The following SEMA3A variants were observed in gnomAD, a reference collection of about 807,000 sequenced individuals.
The protein encoded by SEMA3A is semaphorin 3A.
A neutral mutation model predicts 97.9 loss-of-function variants in SEMA3A; 29 were observed. The ratio of observed to expected loss-of-function variants is 0.30; its 90% CI spans 0.22 to 0.40. The LOEUF (loss-of-function observed/expected upper bound fraction) is 0.40. SEMA3A is among the 10% of genes least tolerant of loss of function. SEMA3A has a pLI of 1.00. For missense variants in SEMA3A, 763 were observed against 951.3 expected (o/e 0.80, Z 2.60); for synonymous variants, 321 against 323.7 (o/e 0.99, Z 0.09).
chr7:84,308,098 A>T (rs192443793), intron 2 of SEMA3A, among the ~76,000 whole-genome samples: 2 of 151,916 alleles, frequency 1.3e-5, no homozygotes, highest in Admixed American at 1.3e-4. Context: ...TAAAGTAAAG[A>T]AAAAAAGATA....
chr7:84,379,482 A>G (rs997011048), intron 1 of SEMA3A, among the ~76,000 whole-genome samples: 1 of 152,168 alleles, frequency 6.6e-6, no homozygotes, highest in Non-Finnish European at 1.5e-5. Flanking sequence ...TCAAGAGTAA[A>G]ATTCCAAAGA....
chr7:84,321,469 C>T (rs1801641664), intron 2 of SEMA3A, among the ~76,000 whole-genome samples: 2 of 152,098 alleles, frequency 1.3e-5, no homozygotes, highest in South Asian at 4.1e-4. Context: ...TGATCTAAGA[C>T]CAGACTGCCT....
At chr7:84,432,095 G>C (rs1333026791) in intron 1 of SEMA3A, among the ~76,000 whole-genome samples, 1 of 151,982 alleles carries the variant, frequency 6.6e-6, no homozygotes, top group African/African-American at 2.4e-5. Flanking sequence ...AAGTGAGGCA[G>C]AGTGATTTCT....
chr7:84,426,992 C>CCA (rs2116308486), intron 1 of SEMA3A, among the ~76,000 whole-genome samples: 1 of 152,208 alleles, frequency 6.6e-6, no homozygotes, highest in East Asian at 1.9e-4. Context: ...AGAAGACTGA[C>CCA]CCCTGATGTT....
rs1378101274 is a variant in SEMA3A at position 83,958,469 on chromosome 7, ATATGG to A, written c.*2897_*2901del. 1.3e-5 allele frequency: 2 copies of A among 152,486 alleles called. No homozygotes were observed. The highest frequency in any genetic ancestry group is 3.8e-4 in the East Asian group (2 of 5,196). 9.4% of individuals were successfully genotyped at this position (152,486 alleles called of 1,614,324 possible). A position where few individuals can be genotyped will look rare whatever the true frequency, so the allele number is the denominator to read the frequency against. ...ATCTGAAATGCAATGATAAGTAAAGATATGGAACATATTTCCTACCTGGCAAAAAA... is the reference window on the plus strand; with the variant it reads ...ATCTGAAATGCAATGATAAGTAAAGAAACATATTTCCTACCTGGCAAAAAA... On this transcript the variant is annotated 3_prime_UTR_variant, in exon 17 of 17. Coordinates refer to ENST00000265362, the MANE Select transcript of SEMA3A (RefSeq NM_006080.3).
rs35381075 is a variant in SEMA3A, at chr7:84,068,424, TAAA to T, written c.454-7869_454-7867del. Among the ~76,000 whole-genome samples, 25 of 111,484 alleles carry T rather than the reference TAAA, an allele frequency of 2.2e-4. No individual in the cohort carries two copies. In the East Asian group the frequency reaches 3.1e-3, roughly 14 times the overall value. 73.1% of individuals were successfully genotyped at this position (111,484 alleles called of 152,430 possible). On this transcript the variant is annotated intron_variant, in intron 4 of 16. Coordinates refer to ENST00000265362, the MANE Select transcript of SEMA3A (RefSeq NM_006080.3). ...TGTACCCTAAAACTTAAAGTATAAT[TAAA>T]AAAAAAAAAAAACTGGAAAAAACAA...
At chr7:84,143,059 C>T (rs1289432641) in intron 1 of SEMA3A, among the ~76,000 whole-genome samples, 1 of 152,146 alleles carries the variant, frequency 6.6e-6, no homozygotes, top group Non-Finnish European at 1.5e-5. Context: ...TGCTTACATA[C>T]TCACTGCCAC....
intron 2 of SEMA3A, among the ~76,000 whole-genome samples, chr7:84,371,494 A>G (rs1802976484): frequency 6.6e-6 from 1 of 151,910 alleles, no homozygotes; most frequent in African/African-American, 2.4e-5. Flanking sequence ...TTAATTGTTC[A>G]GACTATAGCA....
intron 1 of SEMA3A, among the ~76,000 whole-genome samples, chr7:84,178,379 G>T (rs1797639578): frequency 6.6e-6 from 1 of 152,176 alleles, no homozygotes; most frequent in African/African-American, 2.4e-5. Context: ...TTTGCTGAGT[G>T]CTCCCTGTGT....
intron 5 of SEMA3A, among the ~76,000 whole-genome samples, chr7:84,057,552 G>A (rs1257509463): frequency 6.6e-6 from 1 of 152,002 alleles, no homozygotes; most frequent in Non-Finnish European, 1.5e-5. Flanking sequence ...GGATCACGAG[G>A]TCAGGAGTTC....
intron 12 of SEMA3A, among the ~76,000 whole-genome samples, chr7:83,999,543 T>G (rs372173147): frequency 6.6e-6 from 1 of 152,108 alleles, no homozygotes; most frequent in East Asian, 1.9e-4. Context: ...CTGAGATGGA[T>G]AACACATCAG....
At chr7:84,426,396 C>A (rs368540273) in intron 1 of SEMA3A, among the ~76,000 whole-genome samples, 2 of 151,956 alleles carry the variant, frequency 1.3e-5, no homozygotes, top group East Asian at 3.9e-4. Context: ...TATTTGTTGA[C>A]TGATATGGTC....
At chr7:84,389,843 C>T (rs1444812961) in intron 1 of SEMA3A, among the ~76,000 whole-genome samples, 2 of 152,024 alleles carry the variant, frequency 1.3e-5, no homozygotes, top group Non-Finnish European at 2.9e-5. Flanking sequence ...ACGTTTTAAA[C>T]TGAACAGATA....
intron 5 of SEMA3A, among the ~76,000 whole-genome samples, chr7:84,057,239 G>A (rs1793021361): frequency 6.6e-6 from 1 of 152,094 alleles, no homozygotes; most frequent in African/African-American, 2.4e-5. Flanking sequence ...TATTAGTGCT[G>A]CATTGCCTGG....
chr7:84,061,832 C>T (rs1367374714), intron 4 of SEMA3A, among the ~76,000 whole-genome samples: 1 of 152,062 alleles, frequency 6.6e-6, no homozygotes, highest in Non-Finnish European at 1.5e-5. Context: ...TGCATTTATT[C>T]TGTATTTGGC....
intron 15 of SEMA3A, among the ~76,000 whole-genome samples, chr7:83,967,652 G>A (rs1788753457): frequency 6.6e-6 from 1 of 152,090 alleles, no homozygotes; most frequent in Non-Finnish European, 1.5e-5. Flanking sequence ...CTACTCTGGA[G>A]GCTGAGGCAG....
At chr7:84,282,107 T>C (rs1800452226) in intron 3 of SEMA3A, among the ~76,000 whole-genome samples, 1 of 152,164 alleles carries the variant, frequency 6.6e-6, no homozygotes, top group African/African-American at 2.4e-5. Context: ...ATGATGTATA[T>C]AGAAATTCCA....
At chr7:84,289,528 T>G (rs916050996) in intron 3 of SEMA3A, among the ~76,000 whole-genome samples, 3 of 151,960 alleles carry the variant, frequency 2.0e-5, no homozygotes, top group Admixed American at 2.0e-4. Context: ...ATAATAAAGA[T>G]AGATGCACAA....
chr7:84,350,852 T>C (rs893650393), intron 2 of SEMA3A, among the ~76,000 whole-genome samples: 5 of 152,184 alleles, frequency 3.3e-5, no homozygotes, highest in Non-Finnish European at 5.9e-5. Flanking sequence ...AGCTTCTTCA[T>C]GTAACCGTTG....
Sources: gnomAD v4.1 joint callset for allele counts (sites outside exome capture counted in the v4.1 genomes callset) on GRCh38, gnomAD v4.1.1 for gene constraint, MANE v1.5 for transcripts, NCBI Gene and HGNC (gene_info 2026-07-23, HGNC 2026-07-21) for gene names.